ADGRF4: variants seen among roughly 807,000 people sequenced by gnomAD.
The protein encoded by ADGRF4 is G-protein coupled receptor PGR18.
In ADGRF4, 63 loss-of-function variants were observed where a neutral mutation model predicts 58.5. The ratio of observed to expected loss-of-function variants is 1.08; its 90% CI spans 0.88 to 1.33. ADGRF4 has a LOEUF of 1.33. Among genes scored for constraint, ADGRF4 ranks in the 40% most tolerant of loss-of-function variants. The pLI is 0.00. For synonymous variants in ADGRF4, 313 were observed against 295.4 expected (o/e 1.06, Z -0.61); for missense variants, 931 against 843.9 (o/e 1.10, Z -1.28).
At chr6:47,710,233 G>C (rs1285896337) in intron 3 of ADGRF4, among the ~76,000 whole-genome samples, 1 of 152,120 alleles carries the variant, frequency 6.6e-6, no homozygotes, top group Non-Finnish European at 1.5e-5. Context: ...ACCTCCTGTG[G>C]ATAATGAGAA....
intron 1 of ADGRF4, 55 bp from the exon 2 acceptor site, chr6:47,707,175 T>C: frequency 1.1e-6 from 1 of 936,884 alleles, no homozygotes; most frequent in South Asian, 1.3e-5. Context: ...ATAAGTATTG[T>C]TAGTTGCGTG....
At chr6:47,700,842 C>G (rs1771573008) in intron 1 of ADGRF4, among the ~76,000 whole-genome samples, 1 of 152,180 alleles carries the variant, frequency 6.6e-6, no homozygotes, top group African/African-American at 2.4e-5. Flanking sequence ...AATCATTTCC[C>G]AATTCATTCA....
chr6:47,720,195 G>T (rs1244420300), intron 9 of ADGRF4, among the ~76,000 whole-genome samples: 1 of 152,060 alleles, frequency 6.6e-6, no homozygotes, highest in East Asian at 1.9e-4. Context: ...GCACCAGGGG[G>T]TCTCTCAGCG....
In ADGRF4 at chr6:47,716,913, G is replaced by A; in HGVS notation, c.1974+66G>A. On this transcript the variant is annotated intron_variant, in intron 7 of 9. Transcript: ENST00000283303. Reference sequence around the variant, plus strand: ...TGGCTGGGGGAAGCAGGAGGATGAAGCAGTTTTGATTGGAGAGCATACTCC... The same window carrying A: ...TGGCTGGGGGAAGCAGGAGGATGAAACAGTTTTGATTGGAGAGCATACTCC... 10 of 1,028,896 alleles carry A rather than the reference G, an allele frequency of 9.7e-6. No homozygotes were observed. In the Admixed American group the frequency reaches 1.6e-4, roughly 16 times the overall value. 63.7% of individuals were successfully genotyped at this position (1,028,896 alleles called of 1,614,324 possible).
chr6:47,700,632 T>C (rs1771569345), intron 1 of ADGRF4, among the ~76,000 whole-genome samples: 1 of 152,176 alleles, frequency 6.6e-6, no homozygotes, highest in Non-Finnish European at 1.5e-5. Context: ...CATGGCATTA[T>C]TTCCTGCTCA....
intron 1 of ADGRF4, among the ~76,000 whole-genome samples, chr6:47,702,612 T>C (rs1208335186): frequency 1.3e-5 from 2 of 152,264 alleles, no homozygotes; most frequent in East Asian, 3.8e-4. Context: ...AGCATTATTC[T>C]GTCACAATTA....
Position 47,712,537 on chromosome 6 carries a change from G to A in ADGRF4, c.481G>A (p.Ala161Thr), listed in dbSNP as rs1264445313. ...ATCAGAAACAACATCTGGAAATATT[G>A]CATTTATAGTGGAGTTATTAAAAAA... ...KSSETTSGNI[A>T]FIVELLKNIS... Residue 161 changes from alanine (A) to threonine (T), a missense_variant, in exon 5 of 10, where the codon GCA becomes ACA. Transcript: ENST00000283303. The A allele has an allele frequency of 1.2e-6, 2 of 1,608,940 alleles. No individual in the cohort carries two copies. The highest frequency in any genetic ancestry group is 1.3e-5 in the African/African-American group (1 of 74,796).
intron 9 of ADGRF4, among the ~76,000 whole-genome samples, chr6:47,719,350 G>T (rs1462547336): frequency 1.3e-5 from 2 of 152,116 alleles, no homozygotes; most frequent in Admixed American, 1.3e-4. Context: ...ACATGGAGTG[G>T]CATGTGTTAG....
chr6:47,707,204 G>A, intron 1 of ADGRF4, 26 bp from the exon 2 acceptor site: 1 of 1,258,606 alleles, frequency 7.9e-7, no homozygotes, highest in South Asian at 1.2e-5. Flanking sequence ...ACCTTCAGGT[G>A]GGTATGCCTT....
intron 1 of ADGRF4, among the ~76,000 whole-genome samples, chr6:47,704,012 A>G (rs6458593): frequency 0.57 from 86,185 of 151,738 alleles, 25,260 homozygotes; most frequent in Middle Eastern, 0.69. Context: ...TGGACAGTAA[A>G]CATGACCCTT....
In ADGRF4 at chr6:47,714,782, C is replaced by T. The variant is rs146374408; in HGVS notation, c.1537C>T (p.Arg513Ter). ...LVIFRRMMKS[R>*]MMVIGFAIGY... The stretch of plus-strand genomic sequence containing the variant: ...CATTTTCCGTAGGATGATGAAGTCC[C>T]GAATGATGGTCATTGGCTTTGCCAT... The change falls in exon 6 of 10, where the codon CGA (arginine) becomes TGA (stop). Residue 513 changes from arginine (R) to a stop codon, truncating the protein, a stop_gained. Transcript: ENST00000283303. LOFTEE classifies it high-confidence loss of function. 24 of 1,613,944 alleles carry T rather than the reference C, an allele frequency of 1.5e-5. No individual in the cohort carries two copies. Among genetic ancestry groups the T allele is most frequent in the East Asian group, 4.5e-5 (2 of 44,872 alleles).
intron 3 of ADGRF4, 139 bp downstream of exon 3, chr6:47,708,417 G>T: frequency 1.7e-6 from 1 of 603,498 alleles, no homozygotes. Flanking sequence ...GTGCTTACCA[G>T]TATTGATAGA....
chr6:47,714,104 G>A lies in ADGRF4; in HGVS notation c.859G>A (p.Ala287Thr), dbSNP rs752458241. Residue 287 changes from alanine (A) to threonine (T), a missense_variant, in exon 6 of 10, where the codon GCA (alanine) becomes ACA (threonine). By Grantham distance (58) the Ala-to-Thr change is moderately conservative (BLOSUM62 0). Transcript: ENST00000283303. ...RQELRKLWPN[A>T]SQAISIAFPT... ...AGAGCTAAGGAAGCTGTGGCCAAAT[G>A]CATCCCAAGCCATTAGCATAGCTTT... is the stretch of plus-strand genomic sequence containing the variant. 3.1e-6 allele frequency: 5 copies of A among 1,614,040 alleles called. No homozygotes were observed. Among genetic ancestry groups the A allele is most frequent in the Non-Finnish European group, 4.2e-6 (5 of 1,180,014 alleles).
At chr6:47,716,418 GT>G (rs1772020388) in intron 6 of ADGRF4, among the ~76,000 whole-genome samples, 1 of 151,890 alleles carries the variant, frequency 6.6e-6, no homozygotes, top group African/African-American at 2.4e-5. Flanking sequence ...TATAAGTTTC[GT>G]TTTCTTAAGA....
intron 9 of ADGRF4, among the ~76,000 whole-genome samples, chr6:47,719,611 C>T (rs755078528): frequency 2.6e-5 from 4 of 152,002 alleles, no homozygotes; most frequent in South Asian, 4.2e-4. Context: ...CTTAAAGAAC[C>T]GCTTGTTTTA....
Position 47,713,997 on chromosome 6 carries a change from C to G in ADGRF4, c.752C>G (p.Thr251Ser). 1 of 1,604,934 alleles carries G rather than the reference C, an allele frequency of 6.2e-7. No individual in the cohort carries two copies. ...AAAGGGTTTCACATCAACCATAATA[C>G]CTCAGAGAAAAGCCTCAATTTCTCC... ...QTKGFHINHN[T>S]SEKSLNFSMS... Residue 251 changes from threonine (T) to serine (S), a missense_variant, in exon 6 of 10, where the codon ACC (threonine) becomes AGC (serine). Coordinates refer to ENST00000283303, the MANE Select transcript of ADGRF4 (RefSeq NM_153838.5).
chr6:47,716,862 C>T lies in ADGRF4; in HGVS notation c.1974+15C>T, dbSNP rs1369412116. ...TGGATCACAAGGTAATTTGAATTTGCTTCCTCCTTATAAATGGTTTTCATG... is the reference window on the plus strand; with the variant it reads ...TGGATCACAAGGTAATTTGAATTTGTTTCCTCCTTATAAATGGTTTTCATG... On this transcript the variant is annotated intron_variant, in intron 7 of 9. Coordinates refer to ENST00000283303, the MANE Select transcript of ADGRF4 (RefSeq NM_153838.5). 1.3e-5 allele frequency: 21 copies of T among 1,563,990 alleles called. No homozygotes were observed. Among genetic ancestry groups the T allele is most frequent in the Non-Finnish European group, 1.5e-5 (17 of 1,142,560 alleles).
Position 47,712,367 on chromosome 6 carries a change from G to A in ADGRF4, c.311G>A (p.Gly104Asp). ...ATTTGTTTTAAACAGGACTCAACTG[G>A]TGCATCTCGCCTTTCTGTAGCAGCA... is the stretch of plus-strand genomic sequence containing the variant. ...SVEKLFKDST[G>D]ASRLSVAAPS... The change falls in exon 5 of 10, where the codon GGT becomes GAT. Residue 104 changes from glycine (G) to aspartate (D), a missense_variant. By Grantham distance (94) the Gly-to-Asp change is moderately conservative. Coordinates refer to ENST00000283303, the MANE Select transcript of ADGRF4 (RefSeq NM_153838.5). 6.2e-7 allele frequency: 1 copy of A among 1,613,938 alleles called. No homozygotes were observed. Among genetic ancestry groups the A allele is most frequent in the Non-Finnish European group, 8.5e-7 (1 of 1,179,906 alleles).
At chr6:47,715,270 T>A in intron 6 of ADGRF4, 93 bp downstream of exon 6, 2 of 931,180 alleles carry the variant, frequency 2.1e-6, no homozygotes, top group Admixed American at 4.7e-5. Flanking sequence ...AAATGTTCTC[T>A]CCACTTCCTT....
Sources: gnomAD v4.1 joint callset for allele counts (sites outside exome capture counted in the v4.1 genomes callset) on GRCh38, gnomAD v4.1.1 for gene constraint, MANE v1.5 for transcripts, NCBI Gene and HGNC (gene_info 2026-07-23, HGNC 2026-07-21) for gene names.